The following PDE3B variants were observed in gnomAD, a reference collection of about 807,000 sequenced individuals.
The protein encoded by PDE3B is cGMP-inhibited 3',5'-cyclic phosphodiesterase 3B.
Under a neutral mutation model 116.8 loss-of-function variants are expected in PDE3B, and 66 were observed. The ratio of observed to expected loss-of-function variants is 0.56; its 90% CI spans 0.46 to 0.69. The LOEUF is 0.69. Ranked by LOEUF, PDE3B falls within the 30% of genes least tolerant of loss-of-function variation. The pLI is 0.00. For synonymous variants in PDE3B, 595 were observed against 533.6 expected (o/e 1.12, Z -1.59); for missense variants, 1,384 against 1,368.1 (o/e 1.01, Z -0.18).
the PDE3B span, chr11:14,885,758 A>T: frequency 1.2e-6 from 2 of 1,610,412 alleles, no homozygotes; most frequent in Non-Finnish European, 8.5e-7. Context: ...ATCACTAAAT[A>T]GGTGCAAATA....
chr11:14,800,129 G>A (rs1858702703), intron 4 of PDE3B, among the ~76,000 whole-genome samples: 1 of 152,128 alleles, frequency 6.6e-6, no homozygotes, highest in Non-Finnish European at 1.5e-5. Flanking sequence ...GCCTGGTGGT[G>A]ACAGAATCTC....
At chr11:14,721,918 A>T (rs1220761419) in intron 1 of PDE3B, among the ~76,000 whole-genome samples, 1 of 142,518 alleles carries the variant, frequency 7.0e-6, no homozygotes, top group East Asian at 2.1e-4. Context: ...TAAAACTTAA[A>T]GTATAATTAA....
intron 12 of PDE3B, among the ~76,000 whole-genome samples, chr11:14,855,761 G>T (rs1256045946): frequency 6.6e-6 from 1 of 152,062 alleles, no homozygotes; most frequent in African/African-American, 2.4e-5. Context: ...AAAATGAGAG[G>T]AGATAGGAAG....
At chr11:14,764,630 TTAC>T (rs1194795355) in intron 1 of PDE3B, among the ~76,000 whole-genome samples, 2 of 152,082 alleles carry the variant, frequency 1.3e-5, no homozygotes, top group Admixed American at 1.3e-4. Context: ...TGTCCGTCAC[TTAC>T]TAATCATGAG....
intron 12 of PDE3B, among the ~76,000 whole-genome samples, chr11:14,850,453 C>T (rs942807962): frequency 6.6e-6 from 1 of 151,706 alleles, no homozygotes; most frequent in East Asian, 1.9e-4. Flanking sequence ...CTAACCTGCA[C>T]ATTGTGCACA....
intron 1 of PDE3B, among the ~76,000 whole-genome samples, chr11:14,679,429 A>G (rs949060280): frequency 1.3e-5 from 2 of 151,778 alleles, no homozygotes; most frequent in African/African-American, 4.8e-5. Flanking sequence ...TTGTTTGTGC[A>G]TTTTGTCCAA....
chr11:14,779,840 G>C (rs2133907422), intron 2 of PDE3B, among the ~76,000 whole-genome samples: 1 of 152,244 alleles, frequency 6.6e-6, no homozygotes, highest in South Asian at 2.1e-4. Context: ...AATGTAAATG[G>C]ATTAAATGCT....
chr11:14,881,728 A>G, the PDE3B span, among the ~76,000 whole-genome samples: 1 of 152,116 alleles, frequency 6.6e-6, no homozygotes, highest in Admixed American at 6.6e-5. Context: ...CTCTTGCCAT[A>G]TGACATGCTG....
chr11:14,766,218 G>A (rs1394890835), intron 1 of PDE3B, among the ~76,000 whole-genome samples: 2 of 151,682 alleles, frequency 1.3e-5, no homozygotes, highest in African/African-American at 4.8e-5. Context: ...GCTGCTTGTT[G>A]TAGGTTCATT....
chr11:14,894,570 C>A, the PDE3B span, among the ~76,000 whole-genome samples: 1,893 of 152,294 alleles, frequency 0.012, 32 homozygotes, highest in African/African-American at 0.044. Flanking sequence ...CCTTCTTTGG[C>A]ATTCTTTCCC....
In PDE3B at chr11:14,646,589, A is replaced by G. The variant is rs747495183; in HGVS notation, c.978+1536A>G. Among the ~76,000 whole-genome samples, 73 of 152,184 alleles carry G rather than the reference A, an allele frequency of 4.8e-4. 1 individual carries two copies. Among genetic ancestry groups the G allele is most frequent in the Non-Finnish European group, 9.3e-4 (63 of 67,998 alleles). On this transcript the variant is annotated intron_variant, in intron 1 of 15. Transcript: ENST00000282096. ...TTTTGACCAAATGTGAACAAATTGC[A>G]TTTTTTAACACTGGAAAATTGTTTT...
chr11:14,789,045 A>G, intron 3 of PDE3B, 61 bp from the exon 4 acceptor site: 1 of 1,183,954 alleles, frequency 8.4e-7, no homozygotes, highest in Non-Finnish European at 1.2e-6. Context: ...GCCATCACTA[A>G]TATTACATAT....
the PDE3B span, chr11:14,891,585 A>AG: frequency 1.9e-6 from 2 of 1,032,508 alleles, no homozygotes; most frequent in Non-Finnish European, 2.3e-6. Flanking sequence ...AGCCGCGTGC[A>AG]GCTTCCACAG....
intron 8 of PDE3B, 74 bp downstream of exon 8, chr11:14,830,920 G>T: frequency 2.9e-6 from 3 of 1,019,632 alleles, no homozygotes; most frequent in Non-Finnish European, 4.0e-6. Context: ...CATTACTTTT[G>T]CCCAGAACAA....
At chr11:14,879,520 T>A in the PDE3B span, 1 of 1,232,826 alleles carries the variant, frequency 8.1e-7, no homozygotes, top group Non-Finnish European at 1.1e-6. Context: ...TGGAATAAAA[T>A]AAAGGATAAC....
the PDE3B span, chr11:14,886,319 C>A: frequency 5.6e-6 from 1 of 179,234 alleles, no homozygotes; most frequent in Non-Finnish European, 1.2e-5. Context: ...TCAAAATGTT[C>A]AATGATATCT....
intron 1 of PDE3B, among the ~76,000 whole-genome samples, chr11:14,691,984 C>T (rs1855051918): frequency 6.6e-6 from 1 of 151,962 alleles, no homozygotes; most frequent in African/African-American, 2.4e-5. Context: ...ATAATAGTAC[C>T]AGGCTAGGTG....
intron 4 of PDE3B, among the ~76,000 whole-genome samples, chr11:14,801,478 T>C (rs986670402): frequency 3.3e-5 from 5 of 152,082 alleles, no homozygotes; most frequent in African/African-American, 1.2e-4. Flanking sequence ...AGAGCAGCAA[T>C]CATTACTGCC....
intron 13 of PDE3B, 83 bp downstream of exon 13, chr11:14,859,329 A>G: frequency 1.1e-6 from 1 of 878,460 alleles, no homozygotes. Context: ...ATGTTAAGTT[A>G]GAATTATTAC....
Sources: allele counts gnomAD v4.1 joint callset (sites outside exome capture counted in the v4.1 genomes callset), GRCh38; gene constraint gnomAD v4.1.1; transcripts MANE v1.5; gene names NCBI Gene and HGNC (gene_info 2026-07-23, HGNC 2026-07-21).